INPP4B: variants seen among roughly 807,000 people sequenced by gnomAD.
INPP4B encodes inositol polyphosphate 4-phosphatase type II.
Under a neutral mutation model 122.5 loss-of-function variants are expected in INPP4B, and 55 were observed. That is an observed-to-expected ratio of 0.45 (90% CI 0.36 to 0.56). The LOEUF (loss-of-function observed/expected upper bound fraction) is 0.56, where lower values mean the gene tolerates loss of function less well. INPP4B is among the 20% of genes least tolerant of loss of function. The pLI is 0.00. For synonymous variants in INPP4B, 403 were observed against 388.7 expected (o/e 1.04, Z -0.43); for missense variants, 1,000 against 1,097.7 (o/e 0.91, Z 1.26).
chr4:142,477,281 G>T (rs1819907539), intron 2 of INPP4B, among the ~76,000 whole-genome samples: 1 of 152,050 alleles, frequency 6.6e-6, no homozygotes, highest in Admixed American at 6.6e-5. Context: ...CAGAATCTCT[G>T]GGACACAGCT....
At chr4:142,511,316 A>T (rs1288570948) in intron 2 of INPP4B, among the ~76,000 whole-genome samples, 1 of 152,128 alleles carries the variant, frequency 6.6e-6, no homozygotes. Flanking sequence ...CTAAAAAAAA[A>T]TTATTATAAA....
In INPP4B at chr4:142,521,235, G is replaced by A. The variant is rs139726950; in HGVS notation, c.-190-58509C>T. ...ACAGCATTTCCCAAAATATCCATGA[G>A]TTGTTAATAGATGTTTCATTAAGAC... is the stretch of plus-strand genomic sequence containing the variant. On this transcript the variant is annotated intron_variant, in intron 2 of 25. Transcript: ENST00000262992. 3.1e-4 allele frequency among the ~76,000 whole-genome samples: 47 copies of A among 151,980 alleles called. 1 individual carries two copies. The highest frequency in any genetic ancestry group is 1.1e-3 in the African/African-American group (44 of 41,514).
chr4:142,802,967 C>T (rs1471562892), intron 1 of INPP4B, among the ~76,000 whole-genome samples: 5 of 151,506 alleles, frequency 3.3e-5, no homozygotes, highest in African/African-American at 7.3e-5. Context: ...GTCAGGAGTT[C>T]GAGACCAGCC....
At chr4:142,782,203 A>G (rs537249121) in intron 1 of INPP4B, among the ~76,000 whole-genome samples, 2,282 of 151,702 alleles carry the variant, frequency 0.015, 51 homozygotes, top group African/African-American at 0.051. Flanking sequence ...TCATTGTTCA[A>G]TTCCCACCTA....
intron 23 of INPP4B, among the ~76,000 whole-genome samples, chr4:142,092,410 C>T (rs941517350): frequency 7.2e-5 from 11 of 152,162 alleles, no homozygotes; most frequent in African/African-American, 2.7e-4. Flanking sequence ...CCCGCCTCAG[C>T]CTCCCAAGTA....
intron 25 of INPP4B, among the ~76,000 whole-genome samples, chr4:142,068,815 C>G (rs894897860): frequency 6.6e-6 from 1 of 152,198 alleles, no homozygotes; most frequent in Non-Finnish European, 1.5e-5. Flanking sequence ...AATACAGGAG[C>G]ACCCTGATTC....
chr4:142,533,436 C>A (rs1202099644), intron 2 of INPP4B, among the ~76,000 whole-genome samples: 6 of 151,882 alleles, frequency 4.0e-5, no homozygotes, highest in Admixed American at 2.0e-4. Flanking sequence ...ATTACTGTTA[C>A]CCTGGATTCT....
rs375588188 is a variant in INPP4B at position 142,028,896 on chromosome 4, C to T, written c.2661G>A (p.Glu887=). ...TGCATTTGATATTCTTCAGTACATT[C>T]TCTATGCGGCATCCTTCTCTGGTGA... is the stretch of plus-strand genomic sequence containing the variant. ...DCMRREGCRI[E]NVLKNIKCRK... Residue 887 remains glutamate, a synonymous_variant, in exon 26 of 26, where the codon GAG becomes GAA. Transcript: ENST00000262992. 6.2e-7 allele frequency: 1 copy of T among 1,612,150 alleles called. No homozygotes were observed. Among genetic ancestry groups the T allele is most frequent in the Non-Finnish European group, 8.5e-7 (1 of 1,179,278 alleles).
At chr4:142,121,869 T>G (rs185517174) in intron 21 of INPP4B, among the ~76,000 whole-genome samples, 10 of 152,112 alleles carry the variant, frequency 6.6e-5, no homozygotes, top group African/African-American at 2.2e-4. Flanking sequence ...TGCAGGCTAT[T>G]ATTTTGAATT....
intron 7 of INPP4B, among the ~76,000 whole-genome samples, chr4:142,346,003 A>AGGCAGTTGCAAATCTTTCTC (rs1396773203): frequency 6.6e-6 from 1 of 152,030 alleles, no homozygotes; most frequent in African/African-American, 2.4e-5. Flanking sequence ...TGATATAAAC[A>AGGCAGTTGCAAATCTTTCTC]GGCAGTTGCA....
intron 15 of INPP4B, among the ~76,000 whole-genome samples, chr4:142,185,735 C>T (rs543413182): frequency 4.0e-5 from 6 of 151,478 alleles, no homozygotes; most frequent in South Asian, 4.2e-4. Context: ...AAAAATTAGC[C>T]GCGCGTGGTG....
intron 2 of INPP4B, among the ~76,000 whole-genome samples, chr4:142,628,711 C>A (rs550884612): frequency 6.6e-6 from 1 of 151,892 alleles, no homozygotes; most frequent in Admixed American, 6.6e-5. Context: ...TATGGCCCCA[C>A]AATATTACAG....
At chr4:142,136,257 T>C (rs866466364) in intron 18 of INPP4B, among the ~76,000 whole-genome samples, 9 of 152,244 alleles carry the variant, frequency 5.9e-5, no homozygotes, top group Admixed American at 5.2e-4. Context: ...GGCGTGAAGA[T>C]GGAAGGTCGG....
intron 17 of INPP4B, among the ~76,000 whole-genome samples, chr4:142,146,963 A>G (rs1811082693): frequency 6.6e-6 from 1 of 152,166 alleles, no homozygotes; most frequent in Non-Finnish European, 1.5e-5. Context: ...CAAAATTGCT[A>G]TTAATTGTTT....
intron 3 of INPP4B, among the ~76,000 whole-genome samples, chr4:142,459,738 G>T (rs1479094301): frequency 1.3e-5 from 2 of 152,042 alleles, no homozygotes; most frequent in Non-Finnish European, 2.9e-5. Context: ...AGGACAATTT[G>T]GGCTATCTGC....
At chr4:142,823,276 T>C (rs768468748) in intron 1 of INPP4B, among the ~76,000 whole-genome samples, 1 of 152,178 alleles carries the variant, frequency 6.6e-6, no homozygotes, top group Non-Finnish European at 1.5e-5. Context: ...TAGCATAATA[T>C]AGTAATAACA....
intron 2 of INPP4B, among the ~76,000 whole-genome samples, chr4:142,711,037 A>T (rs775075427): frequency 6.6e-6 from 1 of 152,150 alleles, no homozygotes; most frequent in South Asian, 2.1e-4. Context: ...TCTCTGCAAC[A>T]TGTCCCTTCC....
At chr4:142,175,239 T>C (rs1827575260) in intron 15 of INPP4B, among the ~76,000 whole-genome samples, 1 of 152,174 alleles carries the variant, frequency 6.6e-6, no homozygotes, top group Non-Finnish European at 1.5e-5. Context: ...CATAATTTTA[T>C]TCCTCATCTT....
chr4:142,737,410 T>A (rs1002378571), intron 1 of INPP4B, among the ~76,000 whole-genome samples: 3 of 152,204 alleles, frequency 2.0e-5, no homozygotes, highest in Non-Finnish European at 4.4e-5. Flanking sequence ...GCTAGCTATA[T>A]GTAGAAAGCT....
Sources: allele counts gnomAD v4.1 joint callset (sites outside exome capture counted in the v4.1 genomes callset), GRCh38; gene constraint gnomAD v4.1.1; transcripts MANE v1.5; gene names NCBI Gene and HGNC (gene_info 2026-07-23, HGNC 2026-07-21).